MTUS1: variants seen among roughly 807,000 people sequenced by gnomAD.
The protein encoded by MTUS1 is microtubule associated scaffold protein 1.
A neutral mutation model predicts 120.8 loss-of-function variants in MTUS1; 109 were observed. That is an observed-to-expected ratio of 0.90 (90% CI 0.77 to 1.06). The LOEUF (loss-of-function observed/expected upper bound fraction) is 1.06. Among genes scored for constraint, MTUS1 ranks in the 50% least tolerant of loss-of-function variants. The pLI is 0.00. For synonymous variants in MTUS1, 737 were observed against 550.5 expected, an observed-to-expected ratio of 1.34 and a Z score of -4.74; for missense variants, 2,210 against 1,486.3, an observed-to-expected ratio of 1.49 and a Z score of -8.01.
intron 1 of MTUS1, among the ~76,000 whole-genome samples, chr8:17,771,490 G>A (rs979274768): frequency 3.3e-5 from 5 of 152,122 alleles, no homozygotes; most frequent in African/African-American, 1.2e-4. Flanking sequence ...CTTTTATTCA[G>A]AATCTTGGGC....
At chr8:17,756,074 C>T in intron 1 of MTUS1, 113 bp from the exon 2 acceptor site, 1 of 452,230 alleles carries the variant, frequency 2.2e-6, no homozygotes, top group Non-Finnish European at 3.6e-6. Context: ...ACATTTAGAC[C>T]CCACAACTAC....
At chr8:17,654,400 T>G in intron 10 of MTUS1, 161 bp downstream of exon 10, 1 of 601,816 alleles carries the variant, frequency 1.7e-6, no homozygotes, top group South Asian at 2.1e-5. Context: ...GGAAAAGGCA[T>G]CTGTTAACAA....
At position 17,645,825 on chromosome 8, in the gene MTUS1, C is replaced by T. The variant is rs1373392035; in HGVS notation, c.*101G>A. On this transcript the variant is annotated 3_prime_UTR_variant, in exon 15 of 15. Transcript: ENST00000693296. ...CTCCAGTTACCCTACGGTGATCACA[C>T]GTGTGCTGATATACCTCTTGTGCCC... The T allele has an allele frequency of 2.3e-5, 34 of 1,458,968 alleles. No homozygotes were observed. Among genetic ancestry groups the T allele is most frequent in the East Asian group, 1.2e-4 (5 of 40,444 alleles). 90.4% of individuals were successfully genotyped at this position (1,458,968 alleles called of 1,614,324 possible).
At chr8:17,730,359 C>G (rs537863081) in intron 3 of MTUS1, among the ~76,000 whole-genome samples, 91 of 152,134 alleles carry the variant, frequency 6.0e-4, no homozygotes, top group African/African-American at 2.1e-3. Context: ...GTGGCGGGCA[C>G]CTGTAATTCC....
intron 3 of MTUS1, among the ~76,000 whole-genome samples, chr8:17,731,956 A>G (rs1041498502): frequency 1.3e-5 from 2 of 152,216 alleles, no homozygotes; most frequent in Non-Finnish European, 2.9e-5. Context: ...TAGGGGCAAG[A>G]GCCAGATCTG....
intron 1 of MTUS1, among the ~76,000 whole-genome samples, chr8:17,791,530 G>C (rs769427828): frequency 1.7e-4 from 26 of 152,170 alleles, no homozygotes; most frequent in Non-Finnish European, 2.8e-4. Context: ...TGATAGCAAA[G>C]AGGCAACATA....
At chr8:17,749,046 G>A (rs971968215) in intron 2 of MTUS1, among the ~76,000 whole-genome samples, 5 of 151,946 alleles carry the variant, frequency 3.3e-5, no homozygotes, top group Non-Finnish European at 5.9e-5. Flanking sequence ...CACTTCTCTC[G>A]GCCAAGGGCA....
At chr8:17,700,813 G>A (rs1230758683) in intron 6 of MTUS1, among the ~76,000 whole-genome samples, 3 of 152,086 alleles carry the variant, frequency 2.0e-5, no homozygotes, top group African/African-American at 7.2e-5. Context: ...AATAAACGAT[G>A]TGTAAAGTCT....
At chr8:17,798,669 T>C (rs117087424) in intron 1 of MTUS1, among the ~76,000 whole-genome samples, 3,356 of 152,322 alleles carry the variant, frequency 0.022, 63 homozygotes, top group South Asian at 0.037. Context: ...CAGTCACATA[T>C]AGTTCTGAAG....
At chr8:17,722,348 C>G in intron 4 of MTUS1, 4 of 969,574 alleles carry the variant, frequency 4.1e-6, no homozygotes, top group Non-Finnish European at 4.9e-6. Context: ...GTTGGTGATT[C>G]TGTTTTGGCA....
At position 17,645,857 on chromosome 8, in the gene MTUS1, C is replaced by G. The variant is rs1000479592; in HGVS notation, c.*69G>C. ...TGATATACCTCTTGTGCCCACGTTC[C>G]TCCTTGGGGTCAGTCCTGCAGACCT... On this transcript the variant is annotated 3_prime_UTR_variant, in exon 15 of 15. Transcript: ENST00000693296. The G allele has an allele frequency of 6.5e-7, 1 of 1,534,160 alleles. No homozygotes were observed.
intron 9 of MTUS1, 136 bp from the exon 10 acceptor site, chr8:17,654,802 T>C (rs560437099): frequency 4.7e-6 from 3 of 643,652 alleles, no homozygotes; most frequent in East Asian, 2.7e-5. Flanking sequence ...CCTCAACACA[T>C]ACAAAGGTCA....
chr8:17,768,318 T>C (rs1468182465), intron 1 of MTUS1, among the ~76,000 whole-genome samples: 1 of 152,142 alleles, frequency 6.6e-6, no homozygotes, highest in Admixed American at 6.5e-5. Flanking sequence ...TGAAGGTCTT[T>C]TACTCAATCC....
intron 1 of MTUS1, among the ~76,000 whole-genome samples, chr8:17,797,085 C>A (rs2052302275): frequency 6.6e-6 from 1 of 152,058 alleles, no homozygotes; most frequent in Admixed American, 6.6e-5. Context: ...CACTGCACTC[C>A]AACCTGGGCC....
chr8:17,763,693 G>A (rs2049229526), intron 1 of MTUS1, among the ~76,000 whole-genome samples: 1 of 152,172 alleles, frequency 6.6e-6, no homozygotes. Context: ...CCAGCCTGGA[G>A]CCCCAGGCAA....
intron 1 of MTUS1, among the ~76,000 whole-genome samples, chr8:17,793,942 C>A (rs1347177855): frequency 6.6e-6 from 1 of 152,168 alleles, no homozygotes; most frequent in Non-Finnish European, 1.5e-5. Flanking sequence ...GTTTCTCTGA[C>A]TCCTCCAAGA....
chr8:17,680,084 A>T (rs1218954326), intron 7 of MTUS1, among the ~76,000 whole-genome samples: 1 of 152,164 alleles, frequency 6.6e-6, no homozygotes, highest in Admixed American at 6.5e-5. Flanking sequence ...CTCTAATATA[A>T]CACAGACAAT....
At chr8:17,770,487 T>C (rs2049943027) in intron 1 of MTUS1, 1 of 152,216 alleles carries the variant, frequency 6.6e-6, no homozygotes, top group Admixed American at 6.5e-5. Flanking sequence ...GATGTCTTAT[T>C]CGAGTTATCT....
chr8:17,650,723 T>G (rs578089892), intron 12 of MTUS1, among the ~76,000 whole-genome samples: 2 of 151,988 alleles, frequency 1.3e-5, no homozygotes, highest in East Asian at 1.9e-4. Flanking sequence ...CACAAAACTC[T>G]CCAAAATAAA....
Sources: gnomAD v4.1 joint callset for allele counts (sites outside exome capture counted in the v4.1 genomes callset) on GRCh38, gnomAD v4.1.1 for gene constraint, MANE v1.5 for transcripts, NCBI Gene and HGNC (gene_info 2026-07-23, HGNC 2026-07-21) for gene names.